FLT4: variants seen among roughly 807,000 people sequenced by gnomAD.
FLT4 encodes the protein fms related receptor tyrosine kinase 4, also known as vascular endothelial growth factor receptor 3.
Under a neutral mutation model 163.2 loss-of-function variants are expected in FLT4, and 30 were observed. The observed-to-expected ratio is 0.18, with a 90% confidence interval of 0.14 to 0.25. The LOEUF (loss-of-function observed/expected upper bound fraction) is 0.25, where lower values mean the gene tolerates loss of function less well. Ranked by LOEUF, FLT4 falls within the 10% of genes least tolerant of loss-of-function variation. The pLI, the probability that FLT4 is intolerant of heterozygous loss-of-function variation, is 1.00. For missense variants in FLT4, 1,510 were observed against 1,863.8 expected (o/e 0.81, Z 3.50); for synonymous variants, 884 against 789.5 (o/e 1.12, Z -2.01).
In FLT4 at chr5:180,620,632, G is replaced by A. The variant is rs561809492; in HGVS notation, c.2383C>T (p.Leu795Phe). Residue 795 changes from leucine (L) to phenylalanine (F), a missense_variant, in exon 16 of 30, where the codon CTC becomes TTC. This residue lies in a region of FLT4 where 878 missense variants were observed against 1,016.7 expected (regional missense o/e 0.86). Coordinates refer to ENST00000261937, the MANE Select transcript of FLT4 (RefSeq NM_182925.5). This position sits in a 1 kb window ranked among gnomAD's most constrained non-coding sequence, Gnocchi z 4.4. ...ACCCTCCTCATGTTACAGAAGATGA[G>A]GAGGAGGAGGACCCAGAAGAAGACA... The part of the protein sequence containing the change: ...IAVFFWVLLL[L>F]IFCNMRRPAH... 1.9e-6 allele frequency: 3 copies of A among 1,604,020 alleles called. No homozygotes were observed. Among genetic ancestry groups the A allele is most frequent in the Admixed American group, 3.3e-5 (2 of 59,980 alleles).
At position 180,620,690 on chromosome 5, in the gene FLT4, C is replaced by A; in HGVS notation, c.2325G>T (p.Glu775Asp). ...VEGSEDKGSM[E>D]IVILVGTGVI... ...CGCCGGTACCGACAAGGATCACGAT[C>A]TCCATGCTGCCCTTATCCTCGGAGC... Residue 775 changes from glutamate (E) to aspartate (D), a missense_variant, in exon 16 of 30, where the codon GAG becomes GAT. Coordinates refer to ENST00000261937, the MANE Select transcript of FLT4 (RefSeq NM_182925.5). This position sits in a 1 kb window ranked among gnomAD's most constrained non-coding sequence, Gnocchi z 4.4. 6.2e-7 allele frequency: 1 copy of A among 1,613,602 alleles called. No individual in the cohort carries two copies. Among genetic ancestry groups the A allele is most frequent in the Non-Finnish European group, 8.5e-7 (1 of 1,179,996 alleles).
chr5:180,628,877 GT>G lies in FLT4; in HGVS notation c.1103+4del. The G allele has an allele frequency of 1.9e-6, 3 of 1,588,918 alleles. No individual in the cohort carries two copies. The highest frequency in any genetic ancestry group is 2.6e-6 in the Non-Finnish European group (3 of 1,162,622). On this transcript the variant is annotated splice_donor_region_variant and intron_variant, in intron 8 of 29. Transcript: ENST00000261937. ...GCGGGGTCGGTGGGGAGCCAGGGCT[GT>G]TACCACTGGAACTCGGGCGGGGGGT...
chr5:180,611,338 C>A lies in FLT4; in HGVS notation c.3679G>T (p.Ala1227Ser), dbSNP rs755474389. The part of the protein sequence containing the change: ...SPPSLQRHSL[A>S]ARYYNWVSFP... Reference sequence around the variant, plus strand: ...ACCTGCAGGACAGCTGACCTGGCGGCCAGGCTGTGGCGCTGCAGGCTTGGC... The same window carrying A: ...ACCTGCAGGACAGCTGACCTGGCGGACAGGCTGTGGCGCTGCAGGCTTGGC... Residue 1227 changes from alanine to serine, a missense_variant, in exon 27 of 30, where the codon GCC becomes TCC. Coordinates refer to ENST00000261937, the MANE Select transcript of FLT4 (RefSeq NM_182925.5). 7 of 1,613,914 alleles carry A rather than the reference C, an allele frequency of 4.3e-6. No homozygotes were observed. The highest frequency in any genetic ancestry group is 5.9e-6 in the Non-Finnish European group (7 of 1,179,978).
intron 23 of FLT4, 95 bp downstream of exon 23, chr5:180,616,272 T>C: frequency 6.4e-7 from 1 of 1,555,348 alleles, no homozygotes; most frequent in Non-Finnish European, 8.8e-7. Flanking sequence ...CACCTCACCC[T>C]GTGCCAGCCC....
rs765728136 is a variant in FLT4, at chr5:180,620,641, G to A, written c.2374C>T (p.Leu792Phe). 1.2e-5 allele frequency: 20 copies of A among 1,613,190 alleles called. No individual in the cohort carries two copies. In the African/African-American group the frequency reaches 2.3e-4, roughly 18 times the overall value. The stretch of plus-strand genomic sequence containing the variant: ...ATGTTACAGAAGATGAGGAGGAGGA[G>A]GACCCAGAAGAAGACAGCGATGACG... ...TGVIAVFFWV[L>F]LLLIFCNMRR... Residue 792 changes from leucine (L) to phenylalanine (F), a missense_variant, in exon 16 of 30, where the codon CTC becomes TTC. Around this residue, in one of 5 missense-constraint regions of FLT4, gnomAD observed 878 missense variants for 1,016.7 expected, o/e 0.86. Coordinates refer to ENST00000261937, the MANE Select transcript of FLT4 (RefSeq NM_182925.5). The surrounding 1 kb of genome is among the most constrained non-coding windows in gnomAD (Gnocchi z 4.4).
At position 180,629,434 on chromosome 5, in the gene FLT4, G is replaced by A. The variant is rs562576586; in HGVS notation, c.817-7C>T. On this transcript the variant is annotated splice_region_variant and splice_polypyrimidine_tract_variant and intron_variant, in intron 6 of 29. Coordinates refer to ENST00000261937, the MANE Select transcript of FLT4 (RefSeq NM_182925.5). The stretch of plus-strand genomic sequence containing the variant: ...CCCACTTACCCCGCTCTGCCTGCCC[G>A]CACCCAGGGAAGCCCCGCGTCAGCA... 6.8e-6 allele frequency: 11 copies of A among 1,610,340 alleles called. No individual in the cohort carries two copies. Among genetic ancestry groups the A allele is most frequent in the South Asian group, 3.3e-5 (3 of 91,002 alleles).
chr5:180,636,020 G>A lies in FLT4; in HGVS notation c.59-4242C>T, dbSNP rs1171555076. On this transcript the variant is annotated intron_variant, in intron 1 of 29. Coordinates refer to ENST00000261937, the MANE Select transcript of FLT4 (RefSeq NM_182925.5). This position sits in a 1 kb window ranked among gnomAD's most constrained non-coding sequence, Gnocchi z 4.3. ...GAATGGATGGATGGGTGGAAGAGTG[G>A]GTGGACAGGTGAAAGGTAAGTGGAT... is the stretch of plus-strand genomic sequence containing the variant. Among the ~76,000 whole-genome samples the A allele has an allele frequency of 5.3e-5, 8 of 151,544 alleles. No homozygotes were observed. The highest frequency in any genetic ancestry group is 2.0e-4 in the East Asian group (1 of 5,120).
chr5:180,643,209 T>C (rs906388789), intron 1 of FLT4, among the ~76,000 whole-genome samples: 2 of 152,224 alleles, frequency 1.3e-5, no homozygotes, highest in African/African-American at 2.4e-5. Flanking sequence ...CCACCAGACA[T>C]TCCTGACCCC....
intron 1 of FLT4, among the ~76,000 whole-genome samples, chr5:180,637,152 GAACCCC>G (rs1764746341): frequency 2.0e-5 from 3 of 151,830 alleles, no homozygotes; most frequent in Non-Finnish European, 4.4e-5. Flanking sequence ...CCAACATGGT[GAACCCC>G]ATCTCTACTA....
chr5:180,614,028 C>T (rs765826661), intron 24 of FLT4, 40 bp downstream of exon 24: 20 of 1,410,512 alleles, frequency 1.4e-5, no homozygotes, highest in Non-Finnish European at 1.7e-5. Context: ...CGCCAGTGAC[C>T]TCGCCTCCTC....
At chr5:180,644,648 C>T (rs955399561) in intron 1 of FLT4, among the ~76,000 whole-genome samples, 2 of 152,248 alleles carry the variant, frequency 1.3e-5, no homozygotes, top group Admixed American at 6.5e-5. Context: ...ATAAGGTCTG[C>T]GTGACGAGGT....
chr5:180,616,769 T>A lies in FLT4; in HGVS notation c.3096+131A>T, dbSNP rs2127803019. On this transcript the variant is annotated intron_variant, in intron 22 of 29. Coordinates refer to ENST00000261937, the MANE Select transcript of FLT4 (RefSeq NM_182925.5). ...ACTCCATGCTTTGGGCAGAGTTTCC[T>A]CCTCTGCAAAGTGGGAGAGACACTG... 8 of 879,890 alleles carry A rather than the reference T, an allele frequency of 9.1e-6. No homozygotes were observed. In the East Asian group the frequency reaches 1.9e-4, roughly 21 times the overall value. The allele number at this position is 879,890 out of a possible 1,614,324, so 54.5% of individuals were successfully genotyped here.
intron 7 of FLT4, 104 bp downstream of exon 7, chr5:180,629,155 G>A (rs996000154): frequency 1.3e-5 from 20 of 1,503,660 alleles, no homozygotes; most frequent in African/African-American, 8.2e-5. Context: ...TCCTCTGCTC[G>A]TGGCCCTCCC....
chr5:180,626,099 T>C lies in FLT4; in HGVS notation c.1258+12A>G. ...GGCCGCCCACCCGTGCGCTCTCCCG[T>C]CCCTGACCTACCATTCACCACCAGC... On this transcript the variant is annotated intron_variant, in intron 9 of 29. Coordinates refer to ENST00000261937, the MANE Select transcript of FLT4 (RefSeq NM_182925.5). 1 of 1,612,776 alleles carries C rather than the reference T, an allele frequency of 6.2e-7. No homozygotes were observed. The highest frequency in any genetic ancestry group is 8.5e-7 in the Non-Finnish European group (1 of 1,179,980).
Position 180,623,553 on chromosome 5 carries a change from C to T in FLT4, c.1548+382G>A, listed in dbSNP as rs921091326. ...AGGAAGTAGGTGCCTTTGTTCAGTA[C>T]CCCCTTCTCGGCGTTGCCCCCAGGC... On this transcript the variant is annotated intron_variant, in intron 11 of 29. Coordinates refer to ENST00000261937, the MANE Select transcript of FLT4 (RefSeq NM_182925.5). This position sits in a 1 kb window ranked among gnomAD's most constrained non-coding sequence, Gnocchi z 5.8. Among the ~76,000 whole-genome samples the T allele has an allele frequency of 1.3e-5, 2 of 151,414 alleles. No individual in the cohort carries two copies. Among genetic ancestry groups the T allele is most frequent in the Non-Finnish European group, 2.9e-5 (2 of 67,880 alleles).
At chr5:180,646,991 C>T (rs1281136249) in intron 1 of FLT4, among the ~76,000 whole-genome samples, 4 of 152,104 alleles carry the variant, frequency 2.6e-5, no homozygotes, top group African/African-American at 9.7e-5. Flanking sequence ...AGCAGAAGGT[C>T]CCCAGGCCCA....
At chr5:180,641,948 CCT>C (rs1338192232) in intron 1 of FLT4, among the ~76,000 whole-genome samples, 1 of 152,166 alleles carries the variant, frequency 6.6e-6, no homozygotes, top group East Asian at 1.9e-4. Flanking sequence ...GTGGCTCACG[CCT>C]GTAATCACAG....
chr5:180,610,997 C>CTT (rs1762136803), intron 27 of FLT4, among the ~76,000 whole-genome samples: 1 of 152,156 alleles, frequency 6.6e-6, no homozygotes, highest in East Asian at 1.9e-4. Context: ...GCGGAGCTTG[C>CTT]GGTGAGCCGA....
At chr5:180,612,746 C>G (rs1561698868) in intron 25 of FLT4, 135 bp from the exon 26 acceptor site, 1 of 722,348 alleles carries the variant, frequency 1.4e-6, no homozygotes, top group East Asian at 2.7e-5. Flanking sequence ...TCCAGCTACC[C>G]TCGTTCCTCC....
Sources: allele counts gnomAD v4.1 joint callset (sites outside exome capture counted in the v4.1 genomes callset), GRCh38; gene constraint gnomAD v4.1.1; regional missense constraint gnomAD v4.1.1; non-coding constraint Gnocchi (gnomAD v3.1); transcripts MANE v1.5; gene names NCBI Gene and HGNC (gene_info 2026-07-23, HGNC 2026-07-21).